The following PARD3 variants were observed in gnomAD, a reference collection of about 807,000 sequenced individuals.
PARD3 encodes the protein par-3 family cell polarity regulator.
In PARD3, 75 loss-of-function variants were observed where a neutral mutation model predicts 155.4. The observed-to-expected ratio is 0.48, with a 90% CI of 0.40 to 0.58. PARD3 has a LOEUF of 0.58. Ranked by LOEUF, PARD3 falls within the 20% of genes least tolerant of loss-of-function variation. PARD3 has a pLI of 0.00. For missense variants in PARD3, 1,642 were observed against 1,721.7 expected, an observed-to-expected ratio of 0.95 and a Z score of 0.82; for synonymous variants, 576 against 610.5, an observed-to-expected ratio of 0.94 and a Z score of 0.83.
intron 10 of PARD3, among the ~76,000 whole-genome samples, chr10:34,377,719 C>G (rs946847785): frequency 6.6e-6 from 1 of 151,940 alleles, no homozygotes; most frequent in African/African-American, 2.4e-5. Flanking sequence ...CTGAGGCCAG[C>G]AATTCAAGAC....
At chr10:34,684,435 T>C (rs1221920925) in intron 2 of PARD3, among the ~76,000 whole-genome samples, 1 of 152,078 alleles carries the variant, frequency 6.6e-6, no homozygotes, top group East Asian at 1.9e-4. Context: ...AACTAACAGC[T>C]CCAAGACACT....
chr10:34,682,678 C>T (rs1490139711), intron 2 of PARD3, among the ~76,000 whole-genome samples: 1 of 152,066 alleles, frequency 6.6e-6, no homozygotes, highest in South Asian at 2.1e-4. Flanking sequence ...GCTAGGATCA[C>T]GTCACTGCAC....
chr10:34,197,965 T>G (rs1653956729), intron 22 of PARD3, among the ~76,000 whole-genome samples: 1 of 152,260 alleles, frequency 6.6e-6, no homozygotes, highest in African/African-American at 2.4e-5. Context: ...CTTGATCTCT[T>G]GACATCGTGA....
At chr10:34,677,306 C>A (rs1236378473) in intron 2 of PARD3, among the ~76,000 whole-genome samples, 1 of 151,762 alleles carries the variant, frequency 6.6e-6, no homozygotes, top group East Asian at 1.9e-4. Flanking sequence ...CATAGTGAGA[C>A]CCCCACATCT....
chr10:34,126,221 C>A (rs1258776700), intron 23 of PARD3, among the ~76,000 whole-genome samples: 1 of 152,126 alleles, frequency 6.6e-6, no homozygotes, highest in African/African-American at 2.4e-5. Context: ...ACCTTTTGTG[C>A]CACAAATCAG....
At chr10:34,600,311 C>T (rs2089653356) in intron 2 of PARD3, among the ~76,000 whole-genome samples, 1 of 151,966 alleles carries the variant, frequency 6.6e-6, no homozygotes, top group Admixed American at 6.6e-5. Flanking sequence ...TACCACTGCA[C>T]TCCAGCCTGG....
Position 34,399,312 on chromosome 10 carries a change from A to G in PARD3, c.890+18T>C, listed in dbSNP as rs367883131. The stretch of plus-strand genomic sequence containing the variant: ...ACTCTACATTATGATTCAATTAAAA[A>G]CCTCCAAGATACGTTACCTGCCGCC... On this transcript the variant is annotated intron_variant, in intron 7 of 24. Transcript: ENST00000374788. The G allele has an allele frequency of 9.8e-5, 146 of 1,482,856 alleles. No individual in the cohort carries two copies. The highest frequency in any genetic ancestry group is 8.0e-4 in the Admixed American group (48 of 59,696). The allele number at this position is 1,482,856 out of a possible 1,614,324, so 91.9% of individuals were successfully genotyped here.
chr10:34,315,329 T>C (rs558647225), intron 20 of PARD3, among the ~76,000 whole-genome samples: 1 of 152,328 alleles, frequency 6.6e-6, no homozygotes, highest in Non-Finnish European at 1.5e-5. Context: ...TTCTTTCTTC[T>C]GGAGTTGCAG....
chr10:34,754,045 C>G (rs1162313588), intron 1 of PARD3, among the ~76,000 whole-genome samples: 4 of 151,786 alleles, frequency 2.6e-5, no homozygotes, highest in Admixed American at 2.6e-4. Flanking sequence ...GAGACATCGT[C>G]TCCTTGTTGC....
At position 34,547,355 on chromosome 10, in the gene PARD3, G is replaced by T. The variant is rs562697604; in HGVS notation, c.223-30196C>A. On this transcript the variant is annotated intron_variant, in intron 2 of 24. Coordinates refer to ENST00000374788, the MANE Select transcript of PARD3 (RefSeq NM_001184785.2). Reference sequence around the variant, plus strand: ...ATTTTTTACAATACATTTTAAACATGAACAATATAAACAATCTGCCAGAAT... The same window carrying T: ...ATTTTTTACAATACATTTTAAACATTAACAATATAAACAATCTGCCAGAAT... 6.6e-5 allele frequency among the ~76,000 whole-genome samples: 10 copies of T among 152,262 alleles called. No homozygotes were observed. The South Asian group carries it at 2.1e-3, about 32-fold the overall frequency.
At chr10:34,447,137 C>CA (rs1293802452) in intron 5 of PARD3, among the ~76,000 whole-genome samples, 3 of 152,004 alleles carry the variant, frequency 2.0e-5, no homozygotes, top group Non-Finnish European at 4.4e-5. Context: ...AAATGTAAAT[C>CA]AAAAGCAAGG....
chr10:34,537,672 T>C lies in PARD3; in HGVS notation c.223-20513A>G, dbSNP rs144512583. On this transcript the variant is annotated intron_variant, in intron 2 of 24. Transcript: ENST00000374788. ...TTCATACACCAGTCCCCACAGACCA[T>C]GGTAATAAGGAGACATGACAGCAAA... 2.1e-3 allele frequency among the ~76,000 whole-genome samples: 318 copies of C among 152,312 alleles called. 1 individual carries two copies. The highest frequency in any genetic ancestry group is 3.4e-3 in the Non-Finnish European group (233 of 68,024).
At chr10:34,207,792 T>C (rs1007664372) in intron 22 of PARD3, among the ~76,000 whole-genome samples, 3 of 152,150 alleles carry the variant, frequency 2.0e-5, no homozygotes, top group Non-Finnish European at 2.9e-5. Context: ...CCAGCATGAA[T>C]CTAGTTTTTA....
At chr10:34,131,663 C>T in intron 22 of PARD3, 80 bp from the exon 23 acceptor site, 1 of 1,277,804 alleles carries the variant, frequency 7.8e-7, no homozygotes, top group East Asian at 2.4e-5. Context: ...AACATGGCAA[C>T]TTGCTGTGAA....
Position 34,470,094 on chromosome 10 carries a change from G to C in PARD3, c.573C>G (p.Cys191Trp), listed in dbSNP as rs193920776. The C allele has an allele frequency of 1.2e-6, 2 of 1,601,026 alleles. No individual in the cohort carries two copies. The highest frequency in any genetic ancestry group is 1.7e-5 in the Admixed American group (1 of 58,502). Residue 191 changes from cysteine to tryptophan, a missense_variant, in exon 4 of 25, where the codon TGC becomes TGG. By Grantham distance (215) the Cys-to-Trp change is radical. Transcript: ENST00000374788. Reference protein sequence around the residue: ...KQNTAGSPKTCDRKKDENYRS... With the variant: ...KQNTAGSPKTWDRKKDENYRS... The stretch of plus-strand genomic sequence containing the variant: ...AAGCAGAGGTGGTTACCTTCCTGTC[G>C]CAGGTTTTAGGACTCCCAGCAGTGT...
intron 22 of PARD3, among the ~76,000 whole-genome samples, chr10:34,150,099 G>C (rs1015389741): frequency 2.6e-5 from 4 of 152,156 alleles, no homozygotes; most frequent in African/African-American, 9.7e-5. Context: ...GTCATATTTT[G>C]AATAATTTCT....
intron 1 of PARD3, among the ~76,000 whole-genome samples, chr10:34,745,092 T>C (rs1416133107): frequency 6.6e-6 from 1 of 152,220 alleles, no homozygotes; most frequent in Non-Finnish European, 1.5e-5. Flanking sequence ...CTGGTTGTAG[T>C]GGCTCACACC....
chr10:34,324,852 T>C (rs560649606), intron 19 of PARD3, among the ~76,000 whole-genome samples: 1 of 152,178 alleles, frequency 6.6e-6, no homozygotes, highest in Non-Finnish European at 1.5e-5. Flanking sequence ...CCAAGCATCA[T>C]CGCTCACCTG....
At chr10:34,396,537 G>C (rs146111165) in intron 7 of PARD3, among the ~76,000 whole-genome samples, 42 of 152,068 alleles carry the variant, frequency 2.8e-4, no homozygotes, top group African/African-American at 1.0e-3. Flanking sequence ...ATATACAATT[G>C]GTATTCTGCA....
Sources: allele counts gnomAD v4.1 joint callset (sites outside exome capture counted in the v4.1 genomes callset), GRCh38; gene constraint gnomAD v4.1.1; transcripts MANE v1.5; gene names NCBI Gene and HGNC (gene_info 2026-07-23, HGNC 2026-07-21).